WDR70: variants seen among roughly 807,000 people sequenced by gnomAD.
The protein encoded by WDR70 is WD repeat-containing protein 70.
Under a neutral mutation model 88.6 loss-of-function variants are expected in WDR70, and 53 were observed. That is an observed-to-expected ratio of 0.60 (90% CI 0.48 to 0.75). The LOEUF is 0.75. Ranked by LOEUF, WDR70 falls within the 30% of genes least tolerant of loss-of-function variation. WDR70 has a pLI of 0.00. For missense variants in WDR70, 610 were observed against 823.2 expected (o/e 0.74, Z 3.17); for synonymous variants, 280 against 270.0 (o/e 1.04, Z -0.36).
intron 2 of WDR70, among the ~76,000 whole-genome samples, chr5:37,380,568 T>C (rs1434255843): frequency 6.6e-6 from 1 of 152,082 alleles, no homozygotes; most frequent in Non-Finnish European, 1.5e-5. Flanking sequence ...GATCTCGATC[T>C]CCTGACCTCG....
At chr5:37,742,912 G>A (rs1748526037) in intron 17 of WDR70, among the ~76,000 whole-genome samples, 1 of 152,210 alleles carries the variant, frequency 6.6e-6, no homozygotes, top group African/African-American at 2.4e-5. Flanking sequence ...AAAATCTAGA[G>A]TTTATTGCCT....
chr5:37,673,276 C>T (rs570421539), intron 10 of WDR70, among the ~76,000 whole-genome samples: 183 of 152,212 alleles, frequency 1.2e-3, no homozygotes, highest in African/African-American at 4.1e-3. Context: ...TGTGTATGTA[C>T]CACAGTTTCT....
intron 7 of WDR70, among the ~76,000 whole-genome samples, chr5:37,477,794 G>T (rs1228803342): frequency 6.6e-6 from 1 of 152,044 alleles, no homozygotes; most frequent in Admixed American, 6.6e-5. Flanking sequence ...CTTTTATAGG[G>T]TTTCTCTCTT....
At chr5:37,470,828 T>A (rs1739304840) in intron 7 of WDR70, among the ~76,000 whole-genome samples, 1 of 152,196 alleles carries the variant, frequency 6.6e-6, no homozygotes, top group African/African-American at 2.4e-5. Flanking sequence ...CTGTTGGGTA[T>A]ATACTTGGTA....
chr5:37,565,198 T>G (rs1742701966), intron 9 of WDR70, among the ~76,000 whole-genome samples: 1 of 152,120 alleles, frequency 6.6e-6, no homozygotes, highest in Admixed American at 6.5e-5. Context: ...ATTACTGTAG[T>G]TTTTGTGGGT....
At chr5:37,711,091 A>G (rs964607147) in intron 13 of WDR70, among the ~76,000 whole-genome samples, 25 of 152,148 alleles carry the variant, frequency 1.6e-4, no homozygotes, top group African/African-American at 6.0e-4. Context: ...GATTATAGCA[A>G]ATGTGCTTAG....
intron 3 of WDR70, among the ~76,000 whole-genome samples, chr5:37,386,176 G>A (rs1292623711): frequency 3.3e-5 from 5 of 151,972 alleles, no homozygotes; most frequent in East Asian, 3.9e-4. Flanking sequence ...ATCCTCAAAC[G>A]ATGGACAAAG....
chr5:37,390,526 G>A (rs1028103200), intron 3 of WDR70, among the ~76,000 whole-genome samples: 1 of 151,562 alleles, frequency 6.6e-6, no homozygotes, highest in Non-Finnish European at 1.5e-5. Flanking sequence ...ATTTTTAGTA[G>A]AGACGGGGTT....
chr5:37,685,020 C>G (rs1746540024), intron 10 of WDR70, among the ~76,000 whole-genome samples: 3 of 152,174 alleles, frequency 2.0e-5, no homozygotes, highest in African/African-American at 7.2e-5. Flanking sequence ...TGTGTGCCCT[C>G]TGTGCATGTT....
At chr5:37,489,267 T>G (rs1241286824) in intron 8 of WDR70, among the ~76,000 whole-genome samples, 1 of 152,210 alleles carries the variant, frequency 6.6e-6, no homozygotes, top group Non-Finnish European at 1.5e-5. Context: ...GGCTGATATT[T>G]GAGCCTCCAG....
chr5:37,519,997 A>G (rs1741036910), intron 9 of WDR70, among the ~76,000 whole-genome samples: 1 of 152,176 alleles, frequency 6.6e-6, no homozygotes, highest in Non-Finnish European at 1.5e-5. Flanking sequence ...AATATTATAG[A>G]ATATTTGAGC....
In WDR70 at chr5:37,753,331, A is replaced by G. The variant is rs1165940114; in HGVS notation, c.*758A>G. 1.3e-5 allele frequency: 2 copies of G among 152,214 alleles called. No homozygotes were observed. Among genetic ancestry groups the G allele is most frequent in the Non-Finnish European group, 2.9e-5 (2 of 68,042 alleles). 9.4% of individuals were successfully genotyped at this position (152,214 alleles called of 1,614,324 possible). ...ATATTTGCTATTTTAAAATAGGGCT[A>G]ATATTTACTTTGCTTGGTTTTTATC... is the stretch of plus-strand genomic sequence containing the variant. On this transcript the variant is annotated 3_prime_UTR_variant, in exon 18 of 18. Coordinates refer to ENST00000265107, the MANE Select transcript of WDR70 (RefSeq NM_018034.4).
At chr5:37,475,383 C>CA (rs1225361987) in intron 7 of WDR70, among the ~76,000 whole-genome samples, 1 of 151,922 alleles carries the variant, frequency 6.6e-6, no homozygotes, top group Non-Finnish European at 1.5e-5. Flanking sequence ...TACAGGCATG[C>CA]ACCACCATGC....
At chr5:37,591,918 A>G (rs943342978) in intron 9 of WDR70, among the ~76,000 whole-genome samples, 1 of 152,240 alleles carries the variant, frequency 6.6e-6, no homozygotes, top group South Asian at 2.1e-4. Flanking sequence ...TAAAAAAGAG[A>G]AAAGGTATAT....
At chr5:37,530,184 A>G (rs1051496290) in intron 9 of WDR70, among the ~76,000 whole-genome samples, 8 of 152,108 alleles carry the variant, frequency 5.3e-5, no homozygotes, top group Non-Finnish European at 1.0e-4. Context: ...ATGGCGGATT[A>G]TATTTTTGAT....
chr5:37,685,381 C>G (rs984791381), intron 10 of WDR70, among the ~76,000 whole-genome samples: 4 of 151,942 alleles, frequency 2.6e-5, no homozygotes, highest in African/African-American at 9.7e-5. Context: ...TGCATGGCCA[C>G]AGGGGGCTGC....
Position 37,622,689 on chromosome 5 carries a change from A to G in WDR70, c.1092+17451A>G, listed in dbSNP as rs572068004. On this transcript the variant is annotated intron_variant, in intron 10 of 17. Coordinates refer to ENST00000265107, the MANE Select transcript of WDR70 (RefSeq NM_018034.4). ...TCTCACTCATAGGTGGGAATTGAAC[A>G]GTGAGAACACATGGACACAGGAAGG... is the stretch of plus-strand genomic sequence containing the variant. 8.0e-4 allele frequency among the ~76,000 whole-genome samples: 121 copies of G among 151,648 alleles called. 1 individual carries two copies. Among genetic ancestry groups the G allele is most frequent in the Middle Eastern group, 6.8e-3 (2 of 294 alleles).
intron 10 of WDR70, among the ~76,000 whole-genome samples, chr5:37,620,292 G>T (rs1291979890): frequency 6.6e-6 from 1 of 151,708 alleles, no homozygotes; most frequent in Non-Finnish European, 1.5e-5. Context: ...CCGCTTTGTT[G>T]TTCTTTGCCA....
At chr5:37,447,635 T>C (rs1169100034) in intron 7 of WDR70, among the ~76,000 whole-genome samples, 2 of 152,190 alleles carry the variant, frequency 1.3e-5, no homozygotes, top group Non-Finnish European at 2.9e-5. Context: ...ATGTCATTTG[T>C]AGGGACATGG....
Sources: allele counts gnomAD v4.1 joint callset (sites outside exome capture counted in the v4.1 genomes callset), GRCh38; gene constraint gnomAD v4.1.1; transcripts MANE v1.5; gene names NCBI Gene and HGNC (gene_info 2026-07-23, HGNC 2026-07-21).